The following ZZEF1 variants were observed in gnomAD, a reference collection of about 807,000 sequenced individuals.
ZZEF1 encodes the protein zinc finger ZZ-type and EF-hand domain-containing protein 1.
ZZEF1 carries 157 observed loss-of-function variants against 342.8 expected under a neutral mutation model. The ratio of observed to expected loss-of-function variants is 0.46; its 90% CI spans 0.40 to 0.52. ZZEF1 has a LOEUF of 0.52. Among genes scored for constraint, ZZEF1 ranks in the 20% least tolerant of loss-of-function variants. The pLI is 0.00. For missense variants in ZZEF1, 3,480 were observed against 3,725.6 expected (o/e 0.93, Z 1.72); for synonymous variants, 1,505 against 1,429.1 (o/e 1.05, Z -1.20).
At chr17:4,009,987 A>AGG (rs2055903766) in intron 52 of ZZEF1, among the ~76,000 whole-genome samples, 2 of 152,170 alleles carry the variant, frequency 1.3e-5, no homozygotes, top group African/African-American at 4.8e-5. Flanking sequence ...AGGGAACAGG[A>AGG]GGTCGGAAAT....
At chr17:4,040,470 T>A (rs1041488114) in intron 39 of ZZEF1, among the ~76,000 whole-genome samples, 2 of 152,080 alleles carry the variant, frequency 1.3e-5, no homozygotes, top group African/African-American at 4.8e-5. Context: ...ATTTGCACAC[T>A]TGGGATATGA....
chr17:4,138,521 T>C (rs1056823058), intron 1 of ZZEF1, among the ~76,000 whole-genome samples: 6 of 152,278 alleles, frequency 3.9e-5, no homozygotes, highest in African/African-American at 1.2e-4. Flanking sequence ...GACTACAACT[T>C]CTACAGTCTC....
At position 4,059,239 on chromosome 17, in the gene ZZEF1, T is replaced by A. The variant is rs764383218; in HGVS notation, c.4935A>T (p.Arg1645=). 15 of 1,608,150 alleles carry A rather than the reference T, an allele frequency of 9.3e-6. No individual in the cohort carries two copies. The African/African-American group carries it at 1.3e-4, about 14-fold the overall frequency. The change falls in exon 31 of 55, where the codon CGA becomes CGT. Residue 1645 remains arginine (R), a synonymous_variant. Coordinates refer to ENST00000381638, the MANE Select transcript of ZZEF1 (RefSeq NM_015113.4). ...ACAGAACAAGTTGATAGTAAGTGTC[T>A]CGAATTTCTTTGTGTAGATCAGCAC... The part of the protein sequence containing the change: ...GCGADLHKEI[R]DTYYQLVLFL...
chr17:4,120,089 G>A (rs979906401), intron 2 of ZZEF1, among the ~76,000 whole-genome samples: 2 of 152,206 alleles, frequency 1.3e-5, no homozygotes, highest in Non-Finnish European at 2.9e-5. Context: ...AGGCGCAGTA[G>A]CTCATGCCTG....
chr17:4,018,080 C>T, intron 46 of ZZEF1, 109 bp from the exon 47 acceptor site: 1 of 1,399,744 alleles, frequency 7.1e-7, no homozygotes, highest in South Asian at 1.3e-5. Flanking sequence ...CTGTTAGTAT[C>T]AATGACATTA....
intron 13 of ZZEF1, 74 bp from the exon 14 acceptor site, chr17:4,087,608 C>T: frequency 1.5e-6 from 2 of 1,294,360 alleles, no homozygotes; most frequent in Non-Finnish European, 2.2e-6. Flanking sequence ...GCCTCATTTA[C>T]TTCTAATTGT....
Position 4,074,065 on chromosome 17 carries a change from G to A in ZZEF1, c.3685+85C>T, listed in dbSNP as rs186743952. 311 of 1,480,622 alleles carry A rather than the reference G, an allele frequency of 2.1e-4. 4 individuals carry two copies. The Admixed American group carries it at 3.8e-3, about 18-fold the overall frequency. The allele number at this position is 1,480,622 out of a possible 1,614,324, so 91.7% of individuals were successfully genotyped here. A position where few individuals can be genotyped will look rare whatever the true frequency, so the allele number is the denominator to read the frequency against. On this transcript the variant is annotated intron_variant, in intron 24 of 54. Transcript: ENST00000381638. ...CGTATTATTAACCCCCTGCCATTACGTGGAAACGACCTACAAGAGGGCAAG... is the reference window on the plus strand; with the variant it reads ...CGTATTATTAACCCCCTGCCATTACATGGAAACGACCTACAAGAGGGCAAG...
At position 4,076,688 on chromosome 17, in the gene ZZEF1, G is replaced by A. The variant is rs8065185; in HGVS notation, c.3183C>T (p.Leu1061=). ...HCVLLREFSV[L]TELLKKLCSG... ...TACAGAGCTTCTTCAGGAGTTCTGT[G>A]AGGACGCTGAACTCTCTCAAGAGCA... The change falls in exon 21 of 55, where the codon CTC becomes CTT. Residue 1061 remains leucine (L), a synonymous_variant. Transcript: ENST00000381638. The A allele has an allele frequency of 0.13, 216,990 of 1,612,750 alleles. 15,563 individuals are homozygous for A. The highest frequency in any genetic ancestry group is 0.2 in the African/African-American group (15,222 of 74,958).
intron 52 of ZZEF1, 151 bp downstream of exon 52, chr17:4,013,298 C>T (rs149738366): frequency 0.01 from 7,220 of 720,098 alleles, 58 homozygotes; most frequent in Non-Finnish European, 0.012. Context: ...ACACCAAGAA[C>T]GCTAGCATAA....
chr17:4,069,837 T>TAAAAC (rs113860710), intron 26 of ZZEF1, among the ~76,000 whole-genome samples: 9,621 of 151,894 alleles, frequency 0.063, 414 homozygotes, highest in South Asian at 0.12. Context: ...TCTCAAAAAG[T>TAAAAC]AAAACAAAAC....
intron 12 of ZZEF1, among the ~76,000 whole-genome samples, chr17:4,089,207 G>A (rs1488209757): frequency 6.6e-6 from 1 of 152,156 alleles, no homozygotes; most frequent in Admixed American, 6.6e-5. Context: ...CAGTCATTTT[G>A]AAACAGAAAT....
At chr17:4,009,073 C>T (rs183907339) in intron 53 of ZZEF1, 119 bp from the exon 54 acceptor site, 168 of 1,227,724 alleles carry the variant, frequency 1.4e-4, no homozygotes, top group Admixed American at 7.0e-4. Context: ...ACGCTACTCA[C>T]GCCGCCCAGC....
At position 4,105,723 on chromosome 17, in the gene ZZEF1, T is replaced by C. The variant is rs754154373; in HGVS notation, c.1364A>G (p.Glu455Gly). The change falls in exon 7 of 55, where the codon GAA (glutamate) becomes GGA (glycine). Residue 455 changes from glutamate (E) to glycine (G), a missense_variant. By Grantham distance (98) the Glu-to-Gly change is moderately conservative. Around this residue, in one of 5 missense-constraint regions of ZZEF1, gnomAD observed 1,528 missense variants for 1,624.1 expected, o/e 0.94. Coordinates refer to ENST00000381638, the MANE Select transcript of ZZEF1 (RefSeq NM_015113.4). The part of the protein sequence containing the change: ...STFLSPNVLE[E>G]VDSFLIRITS... ...TATCCTTATGAGGAAACTGTCCACT[T>C]CTTCCAGCACATTAGGGGAGAGGAA... is the stretch of plus-strand genomic sequence containing the variant. The C allele has an allele frequency of 6.4e-5, 103 of 1,613,424 alleles. No homozygotes were observed. Among genetic ancestry groups the C allele is most frequent in the Non-Finnish European group, 8.7e-5 (103 of 1,179,776 alleles).
chr17:4,115,320 C>T (rs1181150105), intron 3 of ZZEF1, among the ~76,000 whole-genome samples: 1 of 152,166 alleles, frequency 6.6e-6, no homozygotes, highest in Non-Finnish European at 1.5e-5. Context: ...AACCACCGTG[C>T]CTGGCCATGT....
intron 54 of ZZEF1, among the ~76,000 whole-genome samples, chr17:4,007,757 G>C (rs573280449): frequency 6.6e-6 from 1 of 152,278 alleles, no homozygotes; most frequent in South Asian, 2.1e-4. Context: ...GTATGGGCTG[G>C]GGGCATTTCC....
intron 43 of ZZEF1, among the ~76,000 whole-genome samples, chr17:4,023,656 C>A (rs867069464): frequency 0.047 from 3,340 of 71,038 alleles, 396 homozygotes; most frequent in African/African-American, 0.11. Context: ...CCTGTCTCTC[C>A]AAAAAAAAAA....
At chr17:4,094,866 C>T (rs2058006242) in intron 11 of ZZEF1, among the ~76,000 whole-genome samples, 1 of 152,168 alleles carries the variant, frequency 6.6e-6, no homozygotes, top group Admixed American at 6.5e-5. Context: ...TAAGTGACAA[C>T]CTCCTCCCAG....
chr17:4,117,106 A>G lies in ZZEF1; in HGVS notation c.560T>C (p.Leu187Pro). 2 of 1,614,200 alleles carry G rather than the reference A, an allele frequency of 1.2e-6. No individual in the cohort carries two copies. Among genetic ancestry groups the G allele is most frequent in the Non-Finnish European group, 8.5e-7 (1 of 1,180,028 alleles). ...EGLDIHSSMI[L>P]RFLHRNRLSS... The stretch of plus-strand genomic sequence containing the variant: ...GAGCCGATTGCGGTGCAGGAAGCGC[A>G]GTATCATTGACGAGTGAATATCAAG... The change falls in exon 3 of 55, where the codon CTG (leucine) becomes CCG (proline). Residue 187 changes from leucine to proline, a missense_variant. Leu to Pro is a moderately conservative substitution (Grantham distance 98). Transcript: ENST00000381638.
rs1208288285 is a variant in ZZEF1 at position 4,016,005 on chromosome 17, T to G, written c.8145+318A>C. On this transcript the variant is annotated intron_variant, in intron 49 of 54. Coordinates refer to ENST00000381638, the MANE Select transcript of ZZEF1 (RefSeq NM_015113.4). This position sits in a 1 kb window ranked among gnomAD's most constrained non-coding sequence, Gnocchi z 4.4. ...CAACCTGGACCACATTCAGACTCAC[T>G]GTCTCACTGTGAAGCCAAGGACTCA... Among the ~76,000 whole-genome samples, 1 of 152,214 alleles carries G rather than the reference T, an allele frequency of 6.6e-6. No individual in the cohort carries two copies.
Sources: gnomAD v4.1 joint callset for allele counts (sites outside exome capture counted in the v4.1 genomes callset) on GRCh38, gnomAD v4.1.1 for gene constraint, gnomAD v4.1.1 regional missense constraint, Gnocchi (gnomAD v3.1) non-coding constraint, MANE v1.5 for transcripts, NCBI Gene and HGNC (gene_info 2026-07-23, HGNC 2026-07-21) for gene names.